SMARCA4: variants seen among roughly 807,000 people sequenced by gnomAD.
SMARCA4 encodes SWI/SNF related BAF chromatin remodeling complex subunit ATPase 4.
A neutral mutation model predicts 193.9 loss-of-function variants in SMARCA4; 31 were observed. The ratio of observed to expected loss-of-function variants is 0.16; its 90% CI spans 0.12 to 0.22. SMARCA4 has a LOEUF of 0.22. SMARCA4 is among the 10% of genes least tolerant of loss of function. The probability of loss-of-function intolerance (pLI) is 1.00; values close to 1 mark genes in which losing one functional copy is unlikely to be tolerated. For synonymous variants in SMARCA4, 942 were observed against 933.1 expected, an observed-to-expected ratio of 1.01 and a Z score of -0.17; for missense variants, 1,148 against 2,296.0, an observed-to-expected ratio of 0.50 and a Z score of 10.22.
intron 13 of SMARCA4, among the ~76,000 whole-genome samples, chr19:11,006,507 T>C (rs557480162): frequency 2.9e-4 from 44 of 152,248 alleles, no homozygotes; most frequent in Non-Finnish European, 5.7e-4. Flanking sequence ...TCCCAGCATT[T>C]TGGGAGGGCA....
At chr19:10,975,713 C>A (rs1412365647) in intron 1 of SMARCA4, among the ~76,000 whole-genome samples, 2 of 152,176 alleles carry the variant, frequency 1.3e-5, no homozygotes, top group African/African-American at 4.8e-5. Flanking sequence ...GGCAATATGG[C>A]CACACCACTT....
chr19:10,972,619 C>T (rs2084768858), intron 1 of SMARCA4, among the ~76,000 whole-genome samples: 2 of 152,132 alleles, frequency 1.3e-5, no homozygotes, highest in Admixed American at 6.6e-5. Flanking sequence ...GAAGGCCTGT[C>T]ACGAGTGACA....
chr19:11,043,120 C>G (rs1031127080), intron 30 of SMARCA4, among the ~76,000 whole-genome samples: 4 of 152,020 alleles, frequency 2.6e-5, no homozygotes, highest in African/African-American at 7.2e-5. Flanking sequence ...GCGAAACCCC[C>G]TCTCTACTAA....
At chr19:11,010,064 G>T (rs1342095935) in intron 14 of SMARCA4, among the ~76,000 whole-genome samples, 1 of 151,962 alleles carries the variant, frequency 6.6e-6, no homozygotes, top group African/African-American at 2.4e-5. Context: ...GGCCTCAAGT[G>T]ATCCACCTGC....
rs753253019 is a variant in SMARCA4, at chr19:11,041,433, A to G, written c.4297A>G (p.Lys1433Glu). The change falls in exon 30 of 35, where the codon AAG (lysine) becomes GAG (glutamate). Residue 1433 changes from lysine (K) to glutamate (E), a missense_variant. Physicochemically the swap from Lys to Glu is moderately conservative, Grantham distance 56. Transcript: ENST00000344626. The surrounding 1 kb of genome is among the most constrained non-coding windows in gnomAD (Gnocchi z 5.6). The part of the protein sequence containing the change: ...TPTTSTRSRD[K>E]DDESKKQKKR... ...GACCACCAGCACCCGCAGCCGCGAC[A>G]AGGACGACGAGAGCAAGAAGCAGAA... The G allele has an allele frequency of 6.2e-7, 1 of 1,612,612 alleles. No homozygotes were observed. Among genetic ancestry groups the G allele is most frequent in the Admixed American group, 1.7e-5 (1 of 60,024 alleles).
At chr19:10,979,689 A>G (rs2085410319) in intron 1 of SMARCA4, among the ~76,000 whole-genome samples, 1 of 150,012 alleles carries the variant, frequency 6.7e-6, no homozygotes, top group Non-Finnish European at 1.5e-5. Context: ...TATGTTACAT[A>G]TATTATATGT....
intron 30 of SMARCA4, among the ~76,000 whole-genome samples, chr19:11,055,443 C>T (rs1448159372): frequency 6.6e-6 from 1 of 152,104 alleles, no homozygotes; most frequent in Non-Finnish European, 1.5e-5. Flanking sequence ...CCACCTCAGC[C>T]TCCCAAAGTT....
intron 9 of SMARCA4, 49 bp from the exon 10 acceptor site, chr19:10,996,164 G>A: frequency 6.2e-7 from 1 of 1,600,790 alleles, no homozygotes; most frequent in African/African-American, 1.3e-5. Flanking sequence ...GGTGCTCACA[G>A]ACATGCACAT....
At position 10,999,858 on chromosome 19, in the gene SMARCA4, A is replaced by G. The variant is rs369211144; in HGVS notation, c.1813-3171A>G. On this transcript the variant is annotated intron_variant, in intron 11 of 34. Coordinates refer to ENST00000344626, the MANE Select transcript of SMARCA4 (RefSeq NM_003072.5). ...AAAGTGCTAATGGACACCTCTATGC[A>G]GAAGTCTCCTAGTTAGAGTTCAGTA... is the stretch of plus-strand genomic sequence containing the variant. Among the ~76,000 whole-genome samples the G allele has an allele frequency of 3.3e-5, 5 of 152,354 alleles. No homozygotes were observed. In the East Asian group the frequency reaches 9.6e-4, roughly 29 times the overall value.
At chr19:10,978,226 A>G (rs931792183) in intron 1 of SMARCA4, among the ~76,000 whole-genome samples, 2 of 152,220 alleles carry the variant, frequency 1.3e-5, no homozygotes, top group African/African-American at 4.8e-5. Context: ...CTCTGTCAGC[A>G]TGACCTTACG....
At chr19:11,029,945 G>T (rs1014904464) in intron 24 of SMARCA4, among the ~76,000 whole-genome samples, 14 of 152,138 alleles carry the variant, frequency 9.2e-5, no homozygotes, top group African/African-American at 3.1e-4. Flanking sequence ...CAAAGTGTTG[G>T]GATTACAGGC....
chr19:10,988,024 C>T (rs888100293), intron 6 of SMARCA4, 100 bp downstream of exon 6: 1 of 1,246,686 alleles, frequency 8.0e-7, no homozygotes, highest in African/African-American at 1.5e-5. Flanking sequence ...AAACAGTGCC[C>T]TGTGCCCACC....
At chr19:11,025,248 GGGGCCTCC>G (rs2146491280) in intron 21 of SMARCA4, among the ~76,000 whole-genome samples, 166 bp from the exon 22 acceptor site, 1 of 152,206 alleles carries the variant, frequency 6.6e-6, no homozygotes, top group Admixed American at 6.5e-5. Flanking sequence ...GGGCTTGTTG[GGGGCCTCC>G]GGGCCTCCAG....
intron 30 of SMARCA4, among the ~76,000 whole-genome samples, chr19:11,047,266 TG>T (rs1172087470): frequency 6.6e-6 from 1 of 152,090 alleles, no homozygotes; most frequent in Non-Finnish European, 1.5e-5. Context: ...GGGGCCAAGG[TG>T]GGCGGATCAC....
In SMARCA4 at chr19:10,986,914, G is replaced by T. The variant is rs1343719999; in HGVS notation, c.770G>T (p.Gly257Val). Reference protein sequence around the residue: ...PNYSRPHGMGGPNMPPPGPSG... With the variant: ...PNYSRPHGMGVPNMPPPGPSG... ...TTCTCCCTACATGTAGGTATGGGAG[G>T]GCCCAACATGCCTCCCCCAGGACCC... The change falls in exon 5 of 35, where the codon GGG (glycine) becomes GTG (valine). Residue 257 changes from glycine (G) to valine (V), a missense_variant. Gly to Val is a moderately radical substitution (Grantham distance 109, BLOSUM62 -3). Around this residue, in one of 17 missense-constraint regions of SMARCA4, gnomAD observed 257 missense variants for 276.5 expected, o/e 0.93. Transcript: ENST00000344626. This position sits in a 1 kb window ranked among gnomAD's most constrained non-coding sequence, Gnocchi z 6.7. The T allele has an allele frequency of 3.1e-6, 5 of 1,612,096 alleles. 1 individual carries two copies. In the South Asian group the frequency reaches 5.5e-5, roughly 18 times the overall value.
chr19:11,061,462 A>G (rs1292288455), intron 34 of SMARCA4, among the ~76,000 whole-genome samples: 1 of 150,846 alleles, frequency 6.6e-6, no homozygotes, highest in Non-Finnish European at 1.5e-5. Flanking sequence ...TGCAAGCTCC[A>G]CCCCCCGGGA....
At chr19:11,011,433 C>T (rs1223237094) in intron 15 of SMARCA4, among the ~76,000 whole-genome samples, 2 of 152,180 alleles carry the variant, frequency 1.3e-5, no homozygotes, top group African/African-American at 4.8e-5. Flanking sequence ...CCATGTCGGC[C>T]AAGCTGGTCT....
At chr19:11,012,240 G>C (rs2088922569) in intron 15 of SMARCA4, 1 of 155,116 alleles carries the variant, frequency 6.4e-6, no homozygotes, top group Non-Finnish European at 1.4e-5. Context: ...GGGCATGGTG[G>C]TGCATGCCTG....
intron 11 of SMARCA4, among the ~76,000 whole-genome samples, chr19:10,996,987 C>T (rs1198995245): frequency 6.6e-6 from 1 of 151,640 alleles, no homozygotes; most frequent in African/African-American, 2.4e-5. Context: ...CTTCGAGTAG[C>T]TGGGATTACG....
Sources: allele counts gnomAD v4.1 joint callset (sites outside exome capture counted in the v4.1 genomes callset), GRCh38; gene constraint gnomAD v4.1.1; regional missense constraint gnomAD v4.1.1; non-coding constraint Gnocchi (gnomAD v3.1); transcripts MANE v1.5; gene names NCBI Gene and HGNC (gene_info 2026-07-23, HGNC 2026-07-21).